Variants in IDE observed in about 807,000 individuals in gnomAD.
The protein encoded by IDE is insulin degrading enzyme.
In IDE, 58 loss-of-function variants were observed where a neutral mutation model predicts 133.2. The observed-to-expected ratio is 0.44, with a 90% CI of 0.35 to 0.54. IDE has a LOEUF of 0.54. IDE is among the 20% of genes least tolerant of loss of function. The probability of loss-of-function intolerance (pLI) is 0.00; values close to 1 mark genes in which losing one functional copy is unlikely to be tolerated. For missense variants in IDE, 981 were observed against 1,234.0 expected (o/e 0.79, Z 3.07); for synonymous variants, 396 against 421.3 (o/e 0.94, Z 0.73).
chr10:92,556,896 C>T (rs1043305436), intron 1 of IDE, among the ~76,000 whole-genome samples: 2 of 146,886 alleles, frequency 1.4e-5, no homozygotes, highest in Admixed American at 1.4e-4. Flanking sequence ...TGCACTCCAC[C>T]TGGGCTACAG....
chr10:92,491,884 T>C (rs1005244604), intron 11 of IDE, among the ~76,000 whole-genome samples: 4 of 152,124 alleles, frequency 2.6e-5, no homozygotes, highest in Admixed American at 2.0e-4. Flanking sequence ...GTGCTGGGAT[T>C]ACAGGTGTCA....
chr10:92,471,978 T>C (rs953716450), intron 17 of IDE, among the ~76,000 whole-genome samples: 3 of 152,212 alleles, frequency 2.0e-5, no homozygotes, highest in Non-Finnish European at 2.9e-5. Context: ...TAAATGCTGC[T>C]GGACCACACT....
intron 1 of IDE, among the ~76,000 whole-genome samples, chr10:92,557,533 A>T (rs1003361694): frequency 2.6e-5 from 4 of 152,010 alleles, no homozygotes; most frequent in African/African-American, 9.7e-5. Context: ...CCATCTCAAA[A>T]AAAACCATAC....
At chr10:92,548,581 T>C (rs1200184346) in intron 1 of IDE, among the ~76,000 whole-genome samples, 2 of 152,128 alleles carry the variant, frequency 1.3e-5, no homozygotes, top group Non-Finnish European at 1.5e-5. Flanking sequence ...ATCATTATTA[T>C]GGTCGCAGTG....
chr10:92,459,401 C>G (rs1845233159), intron 22 of IDE, among the ~76,000 whole-genome samples: 1 of 152,186 alleles, frequency 6.6e-6, no homozygotes, highest in South Asian at 2.1e-4. Flanking sequence ...CTAATGAGAA[C>G]TGTAAGCACT....
At chr10:92,515,136 TAA>T (rs1589454064) in intron 4 of IDE, 94 bp from the exon 5 acceptor site, 2 of 1,009,424 alleles carry the variant, frequency 2.0e-6, no homozygotes, top group Non-Finnish European at 3.0e-6. Context: ...AGATGAACTT[TAA>T]AAATAAAGTT....
chr10:92,514,012 A>G (rs1028170644), intron 5 of IDE, among the ~76,000 whole-genome samples: 2 of 152,226 alleles, frequency 1.3e-5, no homozygotes, highest in Non-Finnish European at 2.9e-5. Context: ...TTATAAAATC[A>G]GTATTTAGCC....
intron 1 of IDE, among the ~76,000 whole-genome samples, chr10:92,540,109 G>T (rs1842222632): frequency 6.6e-6 from 1 of 152,100 alleles, no homozygotes. Context: ...TGGACATGGT[G>T]GCGGGTGCCT....
At chr10:92,561,150 GGAGGCT>G (rs1214924106) in intron 1 of IDE, among the ~76,000 whole-genome samples, 1 of 151,956 alleles carries the variant, frequency 6.6e-6, no homozygotes, top group Non-Finnish European at 1.5e-5. Context: ...CAGCTATTCA[GGAGGCT>G]GAGGCAGGAG....
At chr10:92,524,960 T>C (rs1849547439) in intron 4 of IDE, among the ~76,000 whole-genome samples, 1 of 146,092 alleles carries the variant, frequency 6.8e-6, no homozygotes, top group Admixed American at 6.9e-5. Context: ...TACAAATCAA[T>C]AAACATGATA....
intron 5 of IDE, among the ~76,000 whole-genome samples, chr10:92,513,896 C>T (rs2135564423): frequency 6.6e-6 from 1 of 152,028 alleles, no homozygotes; most frequent in East Asian, 1.9e-4. Context: ...ACAACAAAAA[C>T]ACACAAATAT....
At chr10:92,544,005 GGC>G (rs1842423400) in intron 1 of IDE, among the ~76,000 whole-genome samples, 1 of 152,126 alleles carries the variant, frequency 6.6e-6, no homozygotes. Flanking sequence ...GGCCGAGGTG[GGC>G]AGATCACCTG....
At chr10:92,477,592 AG>A (rs1263034700) in intron 15 of IDE, among the ~76,000 whole-genome samples, 3 of 152,240 alleles carry the variant, frequency 2.0e-5, no homozygotes, top group African/African-American at 7.2e-5. Flanking sequence ...ATATCATGAA[AG>A]TCTCTACGCT....
chr10:92,508,327 G>T, intron 7 of IDE, 122 bp from the exon 8 acceptor site: 1 of 771,854 alleles, frequency 1.3e-6, no homozygotes, highest in Non-Finnish European at 2.2e-6. Context: ...CTTGCGAAAA[G>T]ATTGGGAAAA....
At position 92,453,593 on chromosome 10, in the gene IDE, G is replaced by C. The variant is rs1199227928; in HGVS notation, c.*851C>G. On this transcript the variant is annotated 3_prime_UTR_variant, in exon 25 of 25. Coordinates refer to ENST00000265986, the MANE Select transcript of IDE (RefSeq NM_004969.4). ...GTTACAAAAAGCTGATGTTGGAAAA[G>C]CATGTCACACACTCAGTAGGATCTG... 2 of 152,202 alleles carry C rather than the reference G, an allele frequency of 1.3e-5. No individual in the cohort carries two copies. The highest frequency in any genetic ancestry group is 2.9e-5 in the Non-Finnish European group (2 of 68,028). The allele number at this position is 152,202 out of a possible 1,614,324, so 9.4% of individuals were successfully genotyped here.
intron 1 of IDE, among the ~76,000 whole-genome samples, chr10:92,562,053 A>G (rs1168658287): frequency 6.6e-6 from 1 of 152,214 alleles, no homozygotes; most frequent in Non-Finnish European, 1.5e-5. Context: ...CTTCTGAAAG[A>G]CAAATCTTCC....
At chr10:92,552,055 G>A (rs1842810699) in intron 1 of IDE, among the ~76,000 whole-genome samples, 1 of 151,950 alleles carries the variant, frequency 6.6e-6, no homozygotes. Flanking sequence ...ATGGGGGGGT[G>A]GGGTGAGAAA....
At chr10:92,545,125 A>G (rs1208551115) in intron 1 of IDE, among the ~76,000 whole-genome samples, 1 of 152,200 alleles carries the variant, frequency 6.6e-6, no homozygotes, top group Non-Finnish European at 1.5e-5. Context: ...GGTAATTATC[A>G]TACTCAATGG....
At chr10:92,530,737 C>T (rs1400530057) in intron 4 of IDE, among the ~76,000 whole-genome samples, 1 of 152,114 alleles carries the variant, frequency 6.6e-6, no homozygotes, top group Non-Finnish European at 1.5e-5. Flanking sequence ...ATATTGAGTG[C>T]CAAGTACCAC....
Sources: allele counts gnomAD v4.1 joint callset (sites outside exome capture counted in the v4.1 genomes callset), GRCh38; gene constraint gnomAD v4.1.1; transcripts MANE v1.5; gene names NCBI Gene and HGNC (gene_info 2026-07-23, HGNC 2026-07-21).